The following LAMA3 variants were observed in gnomAD, a reference collection of about 807,000 sequenced individuals.
LAMA3 encodes laminin subunit alpha 3.
In LAMA3, 281 loss-of-function variants were observed where a neutral mutation model predicts 402.0. That is an observed-to-expected ratio of 0.70 (90% CI 0.63 to 0.77). The LOEUF is 0.77. Ranked by LOEUF, LAMA3 falls within the 30% of genes least tolerant of loss-of-function variation. The probability of loss-of-function intolerance (pLI) is 0.00; values close to 1 mark genes in which losing one functional copy is unlikely to be tolerated. For synonymous variants in LAMA3, 1,431 were observed against 1,558.4 expected (o/e 0.92, Z 1.93); for missense variants, 3,840 against 4,215.5 (o/e 0.91, Z 2.47).
At chr18:23,755,085 G>T (rs769665740) in intron 6 of LAMA3, among the ~76,000 whole-genome samples, 1 of 152,206 alleles carries the variant, frequency 6.6e-6, no homozygotes, top group African/African-American at 2.4e-5. Flanking sequence ...TTTATTAATG[G>T]TTAATCTATT....
intron 23 of LAMA3, 137 bp from the exon 24 acceptor site, chr18:23,833,691 C>A: frequency 1.1e-6 from 1 of 897,606 alleles, no homozygotes; most frequent in South Asian, 1.4e-5. Context: ...ACCTGTAGGA[C>A]CATATTCCTT....
At chr18:23,819,815 A>G in intron 18 of LAMA3, 26 bp from the exon 19 acceptor site, 1 of 1,607,198 alleles carries the variant, frequency 6.2e-7, no homozygotes, top group South Asian at 1.1e-5. Context: ...AACCTCCTGT[A>G]TGTGTTTACT....
Position 23,689,683 on chromosome 18 carries a change from G to C in LAMA3, c.-1G>C. 1 of 1,318,392 alleles carries C rather than the reference G, an allele frequency of 7.6e-7. No homozygotes were observed. Among genetic ancestry groups the C allele is most frequent in the Non-Finnish European group, 9.6e-7 (1 of 1,040,476 alleles). 81.7% of individuals were successfully genotyped at this position (1,318,392 alleles called of 1,614,324 possible). A position where few individuals can be genotyped will look rare whatever the true frequency, so the allele number is the denominator to read the frequency against. ...CAGGCGGGAGGACCCCGCGCGGCTG[G>C]ATGGCGGCGGCCGCGCGGCCTCGGG... On this transcript the variant is annotated 5_prime_UTR_variant, in exon 1 of 75. Transcript: ENST00000313654.
chr18:23,836,598 C>T lies in LAMA3; in HGVS notation c.2985-383C>T, dbSNP rs529909329. Among the ~76,000 whole-genome samples the T allele has an allele frequency of 2.1e-4, 32 of 152,230 alleles. No homozygotes were observed. In the South Asian group the frequency reaches 3.1e-3, roughly 15 times the overall value. Reference sequence around the variant, plus strand: ...AAGGCCAGCATGCTCACTGTCTTGGCGTGGGATGGTGGCTGTGAGGCTAGC... The same window carrying T: ...AAGGCCAGCATGCTCACTGTCTTGGTGTGGGATGGTGGCTGTGAGGCTAGC... On this transcript the variant is annotated intron_variant, in intron 24 of 74. Coordinates refer to ENST00000313654, the MANE Select transcript of LAMA3 (RefSeq NM_198129.4).
At chr18:23,932,342 G>A in intron 66 of LAMA3, 51 bp downstream of exon 66, 1 of 1,599,126 alleles carries the variant, frequency 6.3e-7, no homozygotes, top group Non-Finnish European at 8.6e-7. Context: ...CTGCCCATGG[G>A]AAGGGTATCT....
At chr18:23,712,004 G>A (rs1193769537) in intron 1 of LAMA3, among the ~76,000 whole-genome samples, 1 of 152,160 alleles carries the variant, frequency 6.6e-6, no homozygotes, top group African/African-American at 2.4e-5. Context: ...ATAACTAAAT[G>A]TTCTGGTAAA....
intron 12 of LAMA3, among the ~76,000 whole-genome samples, chr18:23,794,946 T>A (rs1397409512): frequency 6.6e-6 from 1 of 152,266 alleles, no homozygotes; most frequent in Non-Finnish European, 1.5e-5. Context: ...TTTAAATGTA[T>A]GTTATAATTC....
intron 56 of LAMA3, 106 bp downstream of exon 56, chr18:23,912,987 C>A: frequency 9.5e-7 from 1 of 1,053,776 alleles, no homozygotes. Context: ...GCACAGCAGG[C>A]AGAAATCCTA....
chr18:23,736,493 T>A (rs934448547), intron 2 of LAMA3, among the ~76,000 whole-genome samples: 1 of 151,918 alleles, frequency 6.6e-6, no homozygotes, highest in Non-Finnish European at 1.5e-5. Flanking sequence ...TATACAGGTA[T>A]AAATGAGGTG....
chr18:23,888,288 T>C (rs1212013928), intron 41 of LAMA3, among the ~76,000 whole-genome samples: 1 of 152,234 alleles, frequency 6.6e-6, no homozygotes, highest in Non-Finnish European at 1.5e-5. Context: ...TTTCAAATGA[T>C]GCCAATTAGA....
intron 1 of LAMA3, among the ~76,000 whole-genome samples, chr18:23,692,201 T>C (rs946137288): frequency 6.6e-6 from 1 of 152,230 alleles, no homozygotes; most frequent in African/African-American, 2.4e-5. Context: ...AAGTAGAAAC[T>C]TGGCCGGTAA....
At chr18:23,871,696 G>A (rs2064528109) in intron 38 of LAMA3, 35 bp downstream of exon 38, 1 of 1,544,234 alleles carries the variant, frequency 6.5e-7, no homozygotes, top group African/African-American at 1.4e-5. Flanking sequence ...ATTTCCCTAG[G>A]GAGCTCCTGT....
intron 12 of LAMA3, among the ~76,000 whole-genome samples, chr18:23,789,631 A>G (rs540206743): frequency 6.6e-6 from 1 of 152,330 alleles, no homozygotes; most frequent in South Asian, 2.1e-4. Flanking sequence ...ATAGAGATTG[A>G]AAGCAGATTT....
intron 72 of LAMA3, 119 bp downstream of exon 72, chr18:23,950,278 G>C: frequency 9.1e-7 from 1 of 1,097,218 alleles, no homozygotes; most frequent in South Asian, 1.3e-5. Flanking sequence ...TAAGAGCCTT[G>C]ACTTCAGTGC....
intron 12 of LAMA3, among the ~76,000 whole-genome samples, chr18:23,786,910 A>C (rs909257137): frequency 1.5e-4 from 23 of 152,364 alleles, no homozygotes; most frequent in African/African-American, 5.5e-4. Flanking sequence ...TTGAGCTAGC[A>C]GAAGAAAGAA....
chr18:23,692,106 C>T (rs1014525077), intron 1 of LAMA3, among the ~76,000 whole-genome samples: 4 of 152,236 alleles, frequency 2.6e-5, no homozygotes, highest in African/African-American at 9.6e-5. Flanking sequence ...AGTGACTGTA[C>T]ACGTCTTTTG....
intron 8 of LAMA3, among the ~76,000 whole-genome samples, chr18:23,764,184 A>G (rs1383751270): frequency 6.6e-6 from 1 of 152,174 alleles, no homozygotes; most frequent in East Asian, 1.9e-4. Flanking sequence ...ATGCCCATTA[A>G]TATGAAACCA....
chr18:23,909,076 A>G, intron 54 of LAMA3, 77 bp from the exon 55 acceptor site: 8 of 1,392,210 alleles, frequency 5.7e-6, no homozygotes, highest in Non-Finnish European at 8.1e-6. Context: ...CTTGACAAAT[A>G]CTGTCAGTAA....
At chr18:23,795,983 A>T in intron 12 of LAMA3, 1 of 342,356 alleles carries the variant, frequency 2.9e-6, no homozygotes, top group Non-Finnish European at 5.8e-6. Flanking sequence ...GAGACACAAG[A>T]TAGCTCGTTC....
Sources: allele counts gnomAD v4.1 joint callset (sites outside exome capture counted in the v4.1 genomes callset), GRCh38; gene constraint gnomAD v4.1.1; transcripts MANE v1.5; gene names NCBI Gene and HGNC (gene_info 2026-07-23, HGNC 2026-07-21).